Variants in ASAP1 observed in about 807,000 individuals in gnomAD.
ASAP1 encodes the protein ArfGAP with SH3 domain, ankyrin repeat and PH domain 1, also known as arf-GAP with SH3 domain, ANK repeat and PH domain-containing protein 1.
Under a neutral mutation model 145.2 loss-of-function variants are expected in ASAP1, and 43 were observed. The ratio of observed to expected loss-of-function variants is 0.30; its 90% CI spans 0.23 to 0.38. ASAP1 has a LOEUF of 0.38. Ranked by LOEUF, ASAP1 falls within the 10% of genes least tolerant of loss-of-function variation. The probability of loss-of-function intolerance (pLI) is 1.00; values close to 1 mark genes in which losing one functional copy is unlikely to be tolerated. For synonymous variants in ASAP1, 546 were observed against 515.5 expected (o/e 1.06, Z -0.80); for missense variants, 1,018 against 1,355.3 (o/e 0.75, Z 3.91).
intron 3 of ASAP1, among the ~76,000 whole-genome samples, chr8:130,268,953 A>G (rs960635487): frequency 2.6e-5 from 4 of 152,156 alleles, no homozygotes; most frequent in Non-Finnish European, 4.4e-5. Flanking sequence ...AATCTGAGGG[A>G]GGAGGAGGGA....
intron 9 of ASAP1, among the ~76,000 whole-genome samples, chr8:130,170,407 G>T (rs529908720): frequency 6.6e-6 from 1 of 151,890 alleles, no homozygotes; most frequent in Non-Finnish European, 1.5e-5. Context: ...TGCCCACCTC[G>T]GCCTCCCAAA....
At chr8:130,390,945 C>CA (rs1449120077) in intron 2 of ASAP1, among the ~76,000 whole-genome samples, 18 of 149,932 alleles carry the variant, frequency 1.2e-4, no homozygotes, top group Admixed American at 3.3e-4. Flanking sequence ...CCCCGCCCCC[C>CA]CAAAATTGAA....
At chr8:130,434,832 A>T (rs943379221) in intron 1 of ASAP1, among the ~76,000 whole-genome samples, 2 of 152,162 alleles carry the variant, frequency 1.3e-5, no homozygotes, top group Non-Finnish European at 2.9e-5. Flanking sequence ...ATCACATGAG[A>T]CAGGAAGCAG....
chr8:130,143,861 G>A (rs1470018243), intron 13 of ASAP1, among the ~76,000 whole-genome samples: 2 of 152,174 alleles, frequency 1.3e-5, no homozygotes, highest in African/African-American at 2.4e-5. Flanking sequence ...GCAGAAAACA[G>A]CTGCTACTGG....
chr8:130,235,588 C>A (rs1255898070), intron 4 of ASAP1, among the ~76,000 whole-genome samples: 1 of 152,110 alleles, frequency 6.6e-6, no homozygotes, highest in Admixed American at 6.5e-5. Flanking sequence ...TAACTTAGGC[C>A]AAGACCTAAA....
chr8:130,066,914 C>T (rs919321418), intron 27 of ASAP1, among the ~76,000 whole-genome samples: 7 of 152,146 alleles, frequency 4.6e-5, no homozygotes, highest in Admixed American at 2.6e-4. Context: ...GGGTACAGGC[C>T]CTTTCCCAAA....
At chr8:130,066,096 A>G (rs1181777921) in intron 27 of ASAP1, among the ~76,000 whole-genome samples, 1 of 152,248 alleles carries the variant, frequency 6.6e-6, no homozygotes, top group Admixed American at 6.5e-5. Flanking sequence ...ATATTGTGAT[A>G]CAATCGTGGT....
At chr8:130,135,409 C>T (rs1180123172) in intron 14 of ASAP1, among the ~76,000 whole-genome samples, 1 of 152,032 alleles carries the variant, frequency 6.6e-6, no homozygotes, top group Non-Finnish European at 1.5e-5. Context: ...CACTAGAGCC[C>T]AGGAGGTTGA....
At chr8:130,203,466 C>G (rs1359375531) in intron 5 of ASAP1, among the ~76,000 whole-genome samples, 2 of 152,172 alleles carry the variant, frequency 1.3e-5, no homozygotes, top group Admixed American at 1.3e-4. Flanking sequence ...TGTAGGACCT[C>G]CCAACAGTCC....
At chr8:130,119,448 T>G (rs1280591472) in intron 18 of ASAP1, among the ~76,000 whole-genome samples, 1 of 152,224 alleles carries the variant, frequency 6.6e-6, no homozygotes. Flanking sequence ...CTTGAGGAAT[T>G]GCCTTCTTTA....
chr8:130,424,341 T>C (rs72726218), intron 1 of ASAP1, among the ~76,000 whole-genome samples: 1 of 152,026 alleles, frequency 6.6e-6, no homozygotes, highest in East Asian at 1.9e-4. Flanking sequence ...TCTGACGGCC[T>C]AGCCCCCACT....
At chr8:130,388,666 C>G (rs62517706) in intron 2 of ASAP1, among the ~76,000 whole-genome samples, 2 of 152,170 alleles carry the variant, frequency 1.3e-5, no homozygotes, top group South Asian at 4.1e-4. Flanking sequence ...TCCAAGCCGG[C>G]TTGGTGTCAT....
chr8:130,128,184 A>G, intron 15 of ASAP1, 94 bp from the exon 16 acceptor site: 4 of 870,194 alleles, frequency 4.6e-6, no homozygotes, highest in Non-Finnish European at 6.2e-6. Context: ...AAAAAAAAAA[A>G]TCTACTTTTG....
At chr8:130,390,299 C>T (rs1486027024) in intron 2 of ASAP1, among the ~76,000 whole-genome samples, 2 of 152,218 alleles carry the variant, frequency 1.3e-5, no homozygotes, top group South Asian at 2.1e-4. Flanking sequence ...TCAAAAGCCA[C>T]ATGTGGCAGA....
At chr8:130,234,509 T>G (rs560176327) in intron 4 of ASAP1, among the ~76,000 whole-genome samples, 2 of 152,154 alleles carry the variant, frequency 1.3e-5, no homozygotes, top group South Asian at 2.1e-4. Flanking sequence ...CCTCTTTACA[T>G]CCATACAGGA....
chr8:130,191,669 T>G (rs913145743), intron 5 of ASAP1, among the ~76,000 whole-genome samples: 5 of 152,158 alleles, frequency 3.3e-5, no homozygotes, highest in African/African-American at 4.8e-5. Context: ...ATGACCCTCT[T>G]AACCACATCT....
chr8:130,369,283 A>G (rs780141192), intron 2 of ASAP1, among the ~76,000 whole-genome samples: 1 of 152,246 alleles, frequency 6.6e-6, no homozygotes, highest in Non-Finnish European at 1.5e-5. Flanking sequence ...CTTATGTTAC[A>G]TATAAACCTT....
intron 24 of ASAP1, among the ~76,000 whole-genome samples, chr8:130,102,922 C>T (rs1192600575): frequency 6.6e-6 from 1 of 152,168 alleles, no homozygotes; most frequent in Non-Finnish European, 1.5e-5. Flanking sequence ...AACTTCTGGC[C>T]TCAAGTGAGC....
intron 3 of ASAP1, among the ~76,000 whole-genome samples, chr8:130,283,583 G>GAAAAAAAAAAAAAAA (rs745389921): frequency 4.0e-5 from 4 of 98,792 alleles, no homozygotes; most frequent in African/African-American, 1.7e-4. Flanking sequence ...CTCCATCACA[G>GAAAAAAAAAAAAAAA]AAAGAAAAAA....
Sources: allele counts gnomAD v4.1 joint callset (sites outside exome capture counted in the v4.1 genomes callset), GRCh38; gene constraint gnomAD v4.1.1; transcripts MANE v1.5; gene names NCBI Gene and HGNC (gene_info 2026-07-23, HGNC 2026-07-21).